ZMPSTE24: variants seen among roughly 807,000 people sequenced by gnomAD.
The protein encoded by ZMPSTE24 is CAAX prenyl protease 1 homolog.
ZMPSTE24 carries 48 observed loss-of-function variants against 56.7 expected under a neutral mutation model. That is an observed-to-expected ratio of 0.85 (90% CI 0.67 to 1.08). ZMPSTE24 has a LOEUF of 1.08. ZMPSTE24 is among the 50% of genes least tolerant of loss of function. The pLI is 0.00. For synonymous variants in ZMPSTE24, 172 were observed against 195.2 expected (o/e 0.88, Z 0.99); for missense variants, 503 against 548.7 (o/e 0.92, Z 0.83).
At chr1:40,283,152 G>T (rs1384237414) in intron 7 of ZMPSTE24, among the ~76,000 whole-genome samples, 1 of 152,132 alleles carries the variant, frequency 6.6e-6, no homozygotes, top group East Asian at 1.9e-4. Context: ...TAGGAAAACT[G>T]AAGTCCAGAA....
chr1:40,287,819 A>T (rs1643802679), intron 8 of ZMPSTE24, among the ~76,000 whole-genome samples: 1 of 152,158 alleles, frequency 6.6e-6, no homozygotes. Context: ...GCACTATATC[A>T]TGTTGACTAG....
chr1:40,271,839 G>T (rs978104011), intron 5 of ZMPSTE24, 55 bp from the exon 6 acceptor site: 59 of 1,585,640 alleles, frequency 3.7e-5, no homozygotes, highest in Non-Finnish European at 4.8e-5. Flanking sequence ...GTATAATAAA[G>T]AATGTTTTTT....
rs375314765 is a variant in ZMPSTE24 at position 40,290,617 on chromosome 1, C to T, written c.1060-237C>T. On this transcript the variant is annotated intron_variant, in intron 8 of 9. Transcript: ENST00000372759. ...CTGGGACTACAGGCATCCGCCACCA[C>T]GTCCGGCTAATTTTTTCTGCATTTT... 6.3e-5 allele frequency: 25 copies of T among 394,324 alleles called. 1 individual carries two copies. Among genetic ancestry groups the T allele is most frequent in the East Asian group, 1.8e-4 (3 of 16,870 alleles). 24.4% of individuals were successfully genotyped at this position (394,324 alleles called of 1,614,324 possible). A position where few individuals can be genotyped will look rare whatever the true frequency, so the allele number is the denominator to read the frequency against.
chr1:40,259,373 G>C (rs1643472608), intron 1 of ZMPSTE24: 1 of 151,952 alleles, frequency 6.6e-6, no homozygotes. Context: ...CACCAGGCTG[G>C]AGTACAGTGG....
chr1:40,280,432 TC>T (rs1643717437), intron 6 of ZMPSTE24, among the ~76,000 whole-genome samples: 1 of 152,070 alleles, frequency 6.6e-6, no homozygotes, highest in Non-Finnish European at 1.5e-5. Context: ...TTTTTTTTTT[TC>T]TTTCTTTGTG....
At chr1:40,269,073 CAAAAAAAAAA>C (rs60201234) in intron 4 of ZMPSTE24, among the ~76,000 whole-genome samples, 1,042 of 46,226 alleles carry the variant, frequency 0.023, 23 homozygotes, top group East Asian at 0.091. Flanking sequence ...GACTCCGTCT[CAAAAAAAAAA>C]AAAAAAAAAA....
chr1:40,260,752 A>G (rs1643488614), intron 1 of ZMPSTE24, 87 bp from the exon 2 acceptor site: 1 of 1,404,408 alleles, frequency 7.1e-7, no homozygotes, highest in East Asian at 2.3e-5. Flanking sequence ...TATAAGTGGC[A>G]AGCTATAAAC....
Position 40,292,174 on chromosome 1 carries a change from C to T in ZMPSTE24, c.1204-271C>T, listed in dbSNP as rs376712107. Among the ~76,000 whole-genome samples the T allele has an allele frequency of 1.6e-4, 25 of 152,158 alleles. No homozygotes were observed. In the East Asian group the frequency reaches 4.3e-3, roughly 26 times the overall value. On this transcript the variant is annotated intron_variant, in intron 9 of 9. Coordinates refer to ENST00000372759, the MANE Select transcript of ZMPSTE24 (RefSeq NM_005857.5). ...GACTTTTGAGTCTCATGTCAGCACTCAAAAGTTTCAGATTTTGGAACATTT... is the reference window on the plus strand; with the variant it reads ...GACTTTTGAGTCTCATGTCAGCACTTAAAAGTTTCAGATTTTGGAACATTT...
Position 40,269,999 on chromosome 1 carries a change from G to A in ZMPSTE24, c.499G>A (p.Ala167Thr), listed in dbSNP as rs1459895303. Residue 167 changes from alanine (A) to threonine (T), a missense_variant, in exon 5 of 10, where the codon GCA (alanine) becomes ACA (threonine). Physicochemically the swap from Ala to Thr is moderately conservative, Grantham distance 58. Coordinates refer to ENST00000372759, the MANE Select transcript of ZMPSTE24 (RefSeq NM_005857.5). ...GACTTTGGGGTTCTTCATGAAAGATGCAATCAAGAAATTTGTTGTGACTCA... is the reference window on the plus strand; with the variant it reads ...GACTTTGGGGTTCTTCATGAAAGATACAATCAAGAAATTTGTTGTGACTCA... ...QQTLGFFMKD[A>T]IKKFVVTQCI... 1.2e-6 allele frequency: 2 copies of A among 1,613,452 alleles called. No homozygotes were observed. The highest frequency in any genetic ancestry group is 1.7e-6 in the Non-Finnish European group (2 of 1,179,884).
intron 2 of ZMPSTE24, among the ~76,000 whole-genome samples, chr1:40,265,594 G>A (rs1182717306): frequency 6.6e-6 from 1 of 152,094 alleles, no homozygotes; most frequent in Non-Finnish European, 1.5e-5. Flanking sequence ...TACTTGGGGG[G>A]CTGACATGGA....
At chr1:40,267,976 C>G (rs934937397) in intron 3 of ZMPSTE24, 104 bp downstream of exon 3, 116 of 988,584 alleles carry the variant, frequency 1.2e-4, no homozygotes, top group Non-Finnish European at 1.7e-4. Context: ...AGATTTGCCT[C>G]TCTGTTTGCA....
intron 1 of ZMPSTE24, 124 bp downstream of exon 1, chr1:40,258,518 T>C (rs1643461855): frequency 6.5e-7 from 1 of 1,540,818 alleles, no homozygotes; most frequent in Admixed American, 1.8e-5. Context: ...TGGTCCCTGC[T>C]GAGTCTCGTA....
chr1:40,292,423 AC>A (rs1643852547), intron 9 of ZMPSTE24, 21 bp from the exon 10 acceptor site: 1 of 1,611,194 alleles, frequency 6.2e-7, no homozygotes, highest in African/African-American at 1.3e-5. Flanking sequence ...AGTGGCTAAA[AC>A]CCTTTCATTT....
chr1:40,291,087 G>A (rs1294232859), intron 9 of ZMPSTE24, 90 bp downstream of exon 9: 9 of 1,513,152 alleles, frequency 5.9e-6, no homozygotes, highest in Non-Finnish European at 8.1e-6. Flanking sequence ...AAATAGAACA[G>A]TACAGTTTTA....
intron 6 of ZMPSTE24, among the ~76,000 whole-genome samples, chr1:40,276,120 A>G (rs1643668696): frequency 6.6e-6 from 1 of 152,222 alleles, no homozygotes; most frequent in African/African-American, 2.4e-5. Context: ...ATAGTGTGAC[A>G]CTTCCTAAAC....
chr1:40,264,224 C>T (rs1643526480), intron 2 of ZMPSTE24, among the ~76,000 whole-genome samples: 1 of 152,186 alleles, frequency 6.6e-6, no homozygotes, highest in African/African-American at 2.4e-5. Flanking sequence ...GTCGCAGCTA[C>T]TCAGGAGGCT....
At chr1:40,286,854 A>G (rs1299542994) in intron 8 of ZMPSTE24, among the ~76,000 whole-genome samples, 1 of 150,150 alleles carries the variant, frequency 6.7e-6, no homozygotes, top group African/African-American at 2.5e-5. Flanking sequence ...CAGCCTCCTG[A>G]GTAGCTGGGA....
chr1:40,270,736 T>C (rs1461645598), intron 5 of ZMPSTE24, among the ~76,000 whole-genome samples: 1 of 152,132 alleles, frequency 6.6e-6, no homozygotes, highest in Admixed American at 6.6e-5. Context: ...CTTTTCCCCC[T>C]GATTTTTCCC....
chr1:40,269,597 C>G (rs1337350347), intron 4 of ZMPSTE24, among the ~76,000 whole-genome samples: 1 of 151,968 alleles, frequency 6.6e-6, no homozygotes, highest in Non-Finnish European at 1.5e-5. Context: ...GTATCTGGGA[C>G]TATAGATGAA....
Sources: allele counts gnomAD v4.1 joint callset (sites outside exome capture counted in the v4.1 genomes callset), GRCh38; gene constraint gnomAD v4.1.1; transcripts MANE v1.5; gene names NCBI Gene and HGNC (gene_info 2026-07-23, HGNC 2026-07-21).